PPA2: variants seen among roughly 807,000 people sequenced by gnomAD.
The protein encoded by PPA2 is inorganic pyrophosphatase 2, mitochondrial.
In PPA2, 48 loss-of-function variants were observed where a neutral mutation model predicts 49.5. The observed-to-expected ratio is 0.97, with a 90% confidence interval of 0.77 to 1.23. The LOEUF is 1.23. Ranked by LOEUF, PPA2 falls within the 50% of genes most tolerant of loss-of-function variation. PPA2 has a pLI of 0.00. For synonymous variants in PPA2, 131 were observed against 139.9 expected (o/e 0.94, Z 0.45); for missense variants, 429 against 410.1 (o/e 1.05, Z -0.40).
chr4:105,428,271 C>G (rs1578851626), intron 6 of PPA2, among the ~76,000 whole-genome samples: 2 of 152,148 alleles, frequency 1.3e-5, no homozygotes, highest in South Asian at 4.1e-4. Context: ...ATGATCGATG[C>G]TATGAAGAAA....
intron 7 of PPA2, among the ~76,000 whole-genome samples, chr4:105,422,385 A>G (rs1723290276): frequency 6.6e-6 from 1 of 152,234 alleles, no homozygotes; most frequent in Admixed American, 6.5e-5. Flanking sequence ...ATAAAAGCAA[A>G]TATGAAAGGA....
At chr4:105,439,916 T>A (rs1459526285) in intron 5 of PPA2, among the ~76,000 whole-genome samples, 1 of 144,620 alleles carries the variant, frequency 6.9e-6, no homozygotes, top group Non-Finnish European at 1.5e-5. Flanking sequence ...TTCCTACCTA[T>A]GAGTGAGAAC....
At chr4:105,472,070 A>C (rs1277262173) in intron 1 of PPA2, among the ~76,000 whole-genome samples, 1 of 152,234 alleles carries the variant, frequency 6.6e-6, no homozygotes, top group Non-Finnish European at 1.5e-5. Flanking sequence ...GTCTTAACAG[A>C]GACTGTTAGA....
At chr4:105,384,981 T>G (rs1299430335) in intron 10 of PPA2, among the ~76,000 whole-genome samples, 3 of 152,208 alleles carry the variant, frequency 2.0e-5, no homozygotes, top group Admixed American at 6.5e-5. Context: ...CTTTCTCTAC[T>G]CTACCAGTCA....
intron 7 of PPA2, among the ~76,000 whole-genome samples, chr4:105,414,534 G>A (rs1722914825): frequency 6.6e-6 from 1 of 152,242 alleles, no homozygotes; most frequent in South Asian, 2.1e-4. Context: ...CGAGGCTGCA[G>A]CTGGACCAGG....
intron 7 of PPA2, among the ~76,000 whole-genome samples, chr4:105,403,410 G>A (rs539086582): frequency 1.1e-3 from 174 of 152,192 alleles, no homozygotes; most frequent in Non-Finnish European, 1.4e-3. Flanking sequence ...ATAGTGTGCA[G>A]CCATGATTTA....
intron 8 of PPA2, among the ~76,000 whole-genome samples, chr4:105,397,677 C>T (rs1734203654): frequency 6.6e-6 from 1 of 152,090 alleles, no homozygotes; most frequent in African/African-American, 2.4e-5. Context: ...TGGCTTGGTG[C>T]CTCCTCAGAG....
intron 9 of PPA2, among the ~76,000 whole-genome samples, chr4:105,390,462 C>G (rs1733867364): frequency 9.2e-6 from 1 of 108,272 alleles, no homozygotes; most frequent in Admixed American, 9.8e-5. Context: ...AACAAATTTA[C>G]AAGAAAAAAA....
At chr4:105,422,985 A>C (rs889222375) in intron 7 of PPA2, among the ~76,000 whole-genome samples, 2 of 152,204 alleles carry the variant, frequency 1.3e-5, no homozygotes, top group African/African-American at 4.8e-5. Context: ...TACCTTATCA[A>C]TTCTCATTTG....
intron 1 of PPA2, among the ~76,000 whole-genome samples, chr4:105,460,658 A>C (rs771025261): frequency 6.6e-6 from 1 of 152,154 alleles, no homozygotes; most frequent in Non-Finnish European, 1.5e-5. Flanking sequence ...CAATAATTTC[A>C]GCTCTAAGAA....
chr4:105,407,257 G>A (rs192123316), intron 7 of PPA2, among the ~76,000 whole-genome samples: 2 of 152,232 alleles, frequency 1.3e-5, no homozygotes, highest in African/African-American at 4.8e-5. Context: ...GTGGGCAAAT[G>A]TAAAAGACAC....
intron 10 of PPA2, among the ~76,000 whole-genome samples, chr4:105,379,655 A>G (rs1447925054): frequency 3.3e-5 from 4 of 120,388 alleles, no homozygotes; most frequent in African/African-American, 1.3e-4. Context: ...TTTTTTTGAG[A>G]CAGAGTCTCG....
intron 7 of PPA2, among the ~76,000 whole-genome samples, chr4:105,418,193 A>C (rs1473005889): frequency 6.6e-6 from 1 of 152,200 alleles, no homozygotes; most frequent in Admixed American, 6.5e-5. Flanking sequence ...GTCTTCTAAC[A>C]CACACAAATT....
intron 8 of PPA2, 112 bp downstream of exon 8, chr4:105,398,925 C>A: frequency 2.8e-6 from 3 of 1,073,962 alleles, no homozygotes; most frequent in Admixed American, 3.2e-5. Flanking sequence ...TAGTAAAAAG[C>A]ACTTTTTTAA....
At chr4:105,438,139 A>C in intron 5 of PPA2, 103 bp from the exon 6 acceptor site, 2 of 809,050 alleles carry the variant, frequency 2.5e-6, no homozygotes, top group South Asian at 1.9e-5. Context: ...CAATAATCCA[A>C]AGAAAACATT....
At chr4:105,460,346 GA>G (rs957757841) in intron 1 of PPA2, among the ~76,000 whole-genome samples, 23 of 149,786 alleles carry the variant, frequency 1.5e-4, no homozygotes, top group African/African-American at 5.2e-4. Flanking sequence ...ACCCATAAGG[GA>G]AAAAAAAATA....
intron 6 of PPA2, among the ~76,000 whole-genome samples, chr4:105,427,582 G>A (rs1317663207): frequency 6.6e-6 from 1 of 152,044 alleles, no homozygotes; most frequent in East Asian, 1.9e-4. Context: ...ATTCAATCAA[G>A]CACAAGACAG....
intron 6 of PPA2, among the ~76,000 whole-genome samples, chr4:105,434,738 G>A (rs973446243): frequency 6.6e-6 from 1 of 152,088 alleles, no homozygotes; most frequent in Non-Finnish European, 1.5e-5. Flanking sequence ...AGGTTATAAA[G>A]CAAGCAAGGA....
At position 105,373,460 on chromosome 4, in the gene PPA2, A is replaced by G. The variant is rs7694962; in HGVS notation, c.940-2587T>C. Among the ~76,000 whole-genome samples, 384 of 140,644 alleles carry G rather than the reference A, an allele frequency of 2.7e-3. 2 individuals are homozygous for G. The highest frequency in any genetic ancestry group is 9.6e-3 in the African/African-American group (369 of 38,552). 92.3% of individuals were successfully genotyped at this position (140,644 alleles called of 152,430 possible). A position where few individuals can be genotyped will look rare whatever the true frequency, so the allele number is the denominator to read the frequency against. On this transcript the variant is annotated intron_variant, in intron 10 of 11. Transcript: ENST00000341695. ...CAATTTAAGGACAGTATAACAATACAAAATTTTTTTTCTCAAATTAGCTGT... is the reference window on the plus strand; with the variant it reads ...CAATTTAAGGACAGTATAACAATACGAAATTTTTTTTCTCAAATTAGCTGT...
Sources: gnomAD v4.1 joint callset for allele counts (sites outside exome capture counted in the v4.1 genomes callset) on GRCh38, gnomAD v4.1.1 for gene constraint, MANE v1.5 for transcripts, NCBI Gene and HGNC (gene_info 2026-07-23, HGNC 2026-07-21) for gene names.